The following GML variants were observed in gnomAD, a reference collection of about 807,000 sequenced individuals.
GML encodes the protein glycosyl-phosphatidylinositol-anchored molecule-like protein.
A neutral mutation model predicts 8.2 loss-of-function variants in GML; 5 were observed. That is an observed-to-expected ratio of 0.61 (90% CI 0.32 to 1.28). The LOEUF (loss-of-function observed/expected upper bound fraction) is 1.28, where lower values mean the gene tolerates loss of function less well. GML is among the 50% of genes most tolerant of loss of function. The pLI, the probability that GML is intolerant of heterozygous loss-of-function variation, is 0.06. For missense variants in GML, 191 were observed against 198.3 expected, an observed-to-expected ratio of 0.96 and a Z score of 0.22; for synonymous variants, 72 against 69.0, an observed-to-expected ratio of 1.04 and a Z score of -0.22.
intron 1 of GML, among the ~76,000 whole-genome samples, chr8:142,838,711 T>G (rs1324411608): frequency 2.6e-5 from 4 of 152,176 alleles, no homozygotes; most frequent in Non-Finnish European, 4.4e-5. Context: ...ACACCTTTAG[T>G]CTTGAGGATC....
intron 3 of GML, among the ~76,000 whole-genome samples, chr8:142,844,617 T>C (rs1479047722): frequency 6.6e-6 from 1 of 152,168 alleles, no homozygotes; most frequent in Non-Finnish European, 1.5e-5. Flanking sequence ...AAAAAACTGA[T>C]CAATGGAAAT....
intron 3 of GML, among the ~76,000 whole-genome samples, chr8:142,843,675 G>A (rs1276426444): frequency 1.3e-5 from 2 of 152,212 alleles, no homozygotes; most frequent in East Asian, 1.9e-4. Flanking sequence ...TACAAAATCA[G>A]TTGTCCTTTT....
chr8:142,846,109 G>A (rs943098576), intron 3 of GML, among the ~76,000 whole-genome samples: 2 of 152,194 alleles, frequency 1.3e-5, no homozygotes, highest in Non-Finnish European at 2.9e-5. Context: ...ATTGCGTGTA[G>A]CTACATGACA....
chr8:142,837,943 G>A (rs147262993), intron 1 of GML, among the ~76,000 whole-genome samples: 14,958 of 138,516 alleles, frequency 0.11, 1,175 homozygotes, highest in East Asian at 0.43. Flanking sequence ...TTGGTTCCCC[G>A]TGAGCCAAGA....
intron 3 of GML, among the ~76,000 whole-genome samples, chr8:142,844,581 T>C: frequency 6.6e-6 from 1 of 151,998 alleles, no homozygotes; most frequent in Admixed American, 6.6e-5. Context: ...GTTCATAATA[T>C]AATGAACTTA....
At chr8:142,840,593 A>T in intron 2 of GML, 83 bp downstream of exon 2, 1 of 985,276 alleles carries the variant, frequency 1.0e-6, no homozygotes, top group African/African-American at 1.6e-5. Context: ...ATTGGCTGCA[A>T]CGTGGAGCAA....
At chr8:142,844,104 G>T (rs1050547815) in intron 3 of GML, among the ~76,000 whole-genome samples, 2 of 138,920 alleles carry the variant, frequency 1.4e-5, no homozygotes, top group Non-Finnish European at 3.1e-5. Flanking sequence ...AAACGGTTTG[G>T]TGTTGGATCC....
chr8:142,834,867 A>C lies in GML; in HGVS notation c.-24A>C, dbSNP rs1330499070. 5.2e-5 allele frequency: 8 copies of C among 152,472 alleles called. No homozygotes were observed. The highest frequency in any genetic ancestry group is 1.5e-5 in the Non-Finnish European group (1 of 68,226). The allele number at this position is 152,472 out of a possible 1,614,324, so 9.4% of individuals were successfully genotyped here. A position where few individuals can be genotyped will look rare whatever the true frequency, so the allele number is the denominator to read the frequency against. On this transcript the variant is annotated splice_region_variant and 5_prime_UTR_variant, in exon 1 of 4. Coordinates refer to ENST00000220940, the MANE Select transcript of GML (RefSeq NM_002066.3). ...CACACTGCGGGGCTCCGAGGGGCAC[A>C]GGTCAGTTTCCTGAGGCGGGTCGGG...
chr8:142,844,865 T>C (rs566586561), intron 3 of GML, among the ~76,000 whole-genome samples: 1 of 152,312 alleles, frequency 6.6e-6, no homozygotes, highest in East Asian at 1.9e-4. Flanking sequence ...AGAAAACTCT[T>C]CGATGTTGTC....
At chr8:142,843,255 T>TACACACACACACACACAC (rs55778635) in intron 3 of GML, among the ~76,000 whole-genome samples, 1,752 of 140,016 alleles carry the variant, frequency 0.013, 24 homozygotes, top group East Asian at 0.029. Flanking sequence ...AAAAGGTTCA[T>TACACACACACACACACAC]ACACACACAC....
intron 1 of GML, among the ~76,000 whole-genome samples, chr8:142,838,698 C>G (rs1337403744): frequency 6.6e-6 from 1 of 152,190 alleles, no homozygotes; most frequent in Non-Finnish European, 1.5e-5. Flanking sequence ...CTCTGCTTCT[C>G]TGACACCTTT....
At chr8:142,841,757 G>A (rs536718028) in intron 3 of GML, among the ~76,000 whole-genome samples, 1 of 152,256 alleles carries the variant, frequency 6.6e-6, no homozygotes, top group African/African-American at 2.4e-5. Flanking sequence ...TCTCCCCAGG[G>A]CCCTAACCTG....
chr8:142,839,568 C>T (rs762680302), intron 1 of GML, among the ~76,000 whole-genome samples: 1 of 152,230 alleles, frequency 6.6e-6, no homozygotes, highest in Non-Finnish European at 1.5e-5. Flanking sequence ...CACGCATCAG[C>T]AGCTGGGCCC....
At chr8:142,835,184 A>C (rs1245159427) in intron 1 of GML, among the ~76,000 whole-genome samples, 1 of 147,606 alleles carries the variant, frequency 6.8e-6, no homozygotes, top group Non-Finnish European at 1.5e-5. Flanking sequence ...GTACTGGGGG[A>C]CCTCTCGAGC....
rs138944423 is a variant in GML at position 142,841,146 on chromosome 8, T to G, written c.102T>G (p.Cys34Trp). ...CTTACAGTTTGAGATGCCATGACTG[T>G]GCGGTCATAAATGACTTCAACTGTC... ...QWTYSLRCHD[C>W]AVINDFNCPN... The change falls in exon 3 of 4, where the codon TGT (cysteine) becomes TGG (tryptophan). Residue 34 changes from cysteine to tryptophan, a missense_variant. Cys to Trp is a radical substitution (Grantham distance 215). Coordinates refer to ENST00000220940, the MANE Select transcript of GML (RefSeq NM_002066.3). 2.6e-4 allele frequency: 405 copies of G among 1,577,438 alleles called. No homozygotes were observed. The highest frequency in any genetic ancestry group is 3.4e-4 in the Non-Finnish European group (394 of 1,146,744).
chr8:142,838,461 G>C (rs112728264), intron 1 of GML, among the ~76,000 whole-genome samples: 1,552 of 152,224 alleles, frequency 0.01, 13 homozygotes, highest in East Asian at 0.045. Flanking sequence ...GGTTTCTGTT[G>C]GCTTCCCAGG....
At chr8:142,841,378 G>A (rs1816432883) in intron 3 of GML, among the ~76,000 whole-genome samples, 153 bp downstream of exon 3, 1 of 152,078 alleles carries the variant, frequency 6.6e-6, no homozygotes, top group Non-Finnish European at 1.5e-5. Context: ...TGCACGCTTT[G>A]GTCTCAGCCT....
Position 142,837,821 on chromosome 8 carries a change from G to T in GML, c.-22-2595G>T, listed in dbSNP as rs554812430. Among the ~76,000 whole-genome samples the T allele has an allele frequency of 9.5e-5, 14 of 146,764 alleles. No homozygotes were observed. The East Asian group carries it at 3.1e-3, about 33-fold the overall frequency. ...TCCTGGGATCTGCCACACTGGGGGG[G>T]ATTCTACTTGGCCTTCTCTGACTCC... On this transcript the variant is annotated intron_variant, in intron 1 of 3. Coordinates refer to ENST00000220940, the MANE Select transcript of GML (RefSeq NM_002066.3).
At chr8:142,835,253 A>G (rs1816319391) in intron 1 of GML, among the ~76,000 whole-genome samples, 1 of 144,756 alleles carries the variant, frequency 6.9e-6, no homozygotes, top group South Asian at 2.3e-4. Context: ...TCCCAGGGAG[A>G]TGCCAGCACC....
Sources: gnomAD v4.1 joint callset for allele counts (sites outside exome capture counted in the v4.1 genomes callset) on GRCh38, gnomAD v4.1.1 for gene constraint, MANE v1.5 for transcripts, NCBI Gene and HGNC (gene_info 2026-07-23, HGNC 2026-07-21) for gene names.